The following FBN2 variants were observed in gnomAD, a reference collection of about 807,000 sequenced individuals.
FBN2 encodes the protein fibrillin-2.
FBN2 carries 105 observed loss-of-function variants against 355.6 expected under a neutral mutation model. That is an observed-to-expected ratio of 0.30 (90% CI 0.25 to 0.35). FBN2 has a LOEUF of 0.35. FBN2 is among the 10% of genes least tolerant of loss of function. The probability of loss-of-function intolerance (pLI) is 1.00; values close to 1 mark genes in which losing one functional copy is unlikely to be tolerated. For synonymous variants in FBN2, 1,350 were observed against 1,301.2 expected, an observed-to-expected ratio of 1.04 and a Z score of -0.81; for missense variants, 3,280 against 3,758.7, an observed-to-expected ratio of 0.87 and a Z score of 3.33.
chr5:128,368,465 T>TAC (rs1554064137), intron 16 of FBN2, among the ~76,000 whole-genome samples: 7,062 of 127,758 alleles, frequency 0.055, 310 homozygotes, highest in African/African-American at 0.092. Context: ...CACATATATA[T>TAC]ACATATATAT....
chr5:128,290,640 A>C lies in FBN2; in HGVS notation c.6445+92T>G. The C allele has an allele frequency of 2.3e-6, 3 of 1,322,412 alleles. No homozygotes were observed. The East Asian group carries it at 6.9e-5, about 30-fold the overall frequency. The allele number at this position is 1,322,412 out of a possible 1,614,324, so 81.9% of individuals were successfully genotyped here. ...TATGCAAGGAGATGATTTCACTCTC[A>C]AAATATTCTTAAATTACATGGTTAA... On this transcript the variant is annotated intron_variant, in intron 50 of 64. Coordinates refer to ENST00000262464, the MANE Select transcript of FBN2 (RefSeq NM_001999.4).
At chr5:128,503,460 A>G (rs914632297) in intron 5 of FBN2, among the ~76,000 whole-genome samples, 7 of 152,188 alleles carry the variant, frequency 4.6e-5, no homozygotes, top group African/African-American at 1.7e-4. Context: ...AAGATGTGGG[A>G]AAGTTTGGAA....
At chr5:128,266,224 A>C (rs1292782608) in intron 62 of FBN2, among the ~76,000 whole-genome samples, 1 of 152,232 alleles carries the variant, frequency 6.6e-6, no homozygotes, top group Admixed American at 6.5e-5. Flanking sequence ...GCCCAGAAGA[A>C]TCTAGAATCT....
chr5:128,478,845 C>A (rs1222769999), intron 5 of FBN2, among the ~76,000 whole-genome samples: 1 of 152,122 alleles, frequency 6.6e-6, no homozygotes, highest in Middle Eastern at 3.2e-3. Context: ...TACTCTTGTG[C>A]ATTCTTAACT....
chr5:128,275,915 G>A, intron 59 of FBN2, 123 bp downstream of exon 59: 1 of 1,068,058 alleles, frequency 9.4e-7, no homozygotes, highest in Non-Finnish European at 1.4e-6. Flanking sequence ...CAATAACATG[G>A]CCACTAGGAT....
At position 128,309,271 on chromosome 5, in the gene FBN2, C is replaced by A. The variant is rs1352264355; in HGVS notation, c.5329G>T (p.Glu1777Ter). The stretch of plus-strand genomic sequence containing the variant: ...CCTGTTCCTGGAGTTGGGCATGGTT[C>A]ACAAGGTTTGTTCCAGGCTTTGCCC... ...NVGKAWNKPC[E>*]PCPTPGTADF... The change falls in exon 41 of 65, where the codon GAA becomes TAA. Residue 1777 changes from glutamate (E) to a stop codon, truncating the protein, a stop_gained. Transcript: ENST00000262464. LOFTEE classifies it high-confidence loss of function. The A allele has an allele frequency of 6.2e-7, 1 of 1,614,100 alleles. No individual in the cohort carries two copies. The highest frequency in any genetic ancestry group is 1.7e-5 in the Admixed American group (1 of 60,010).
chr5:128,503,955 C>G (rs1755883840), intron 5 of FBN2, among the ~76,000 whole-genome samples: 1 of 152,140 alleles, frequency 6.6e-6, no homozygotes, highest in South Asian at 2.1e-4. Context: ...CCCCCACACT[C>G]AAACCCCGCT....
chr5:128,368,385 T>G (rs189432554), intron 16 of FBN2, among the ~76,000 whole-genome samples: 12 of 149,608 alleles, frequency 8.0e-5, no homozygotes, highest in East Asian at 7.9e-4. Flanking sequence ...GATATATATA[T>G]AGAGAGAGAT....
At chr5:128,264,770 G>T (rs1435406019) in intron 62 of FBN2, among the ~76,000 whole-genome samples, 3 of 152,172 alleles carry the variant, frequency 2.0e-5, no homozygotes, top group African/African-American at 7.2e-5. Flanking sequence ...ACAGGCCCAT[G>T]TGCAAGTGGG....
Position 128,389,934 on chromosome 5 carries a change from T to C in FBN2, c.1603+2084A>G, listed in dbSNP as rs181370355. On this transcript the variant is annotated intron_variant, in intron 11 of 64. Transcript: ENST00000262464. ...TCCTCTCAGAGTGTGCCAGTCTTCT[T>C]GATGGTCTGATCTTTCAGTAGGAAA... Among the ~76,000 whole-genome samples, 291 of 152,270 alleles carry C rather than the reference T, an allele frequency of 1.9e-3. 2 individuals are homozygous for C. Among genetic ancestry groups the C allele is most frequent in the African/African-American group, 6.4e-3 (265 of 41,542 alleles).
chr5:128,274,597 C>T lies in FBN2; in HGVS notation c.7681G>A (p.Gly2561Ser), dbSNP rs759866878. The change falls in exon 60 of 65, where the codon GGT becomes AGT. Residue 2561 changes from glycine (G) to serine (S), a missense_variant. Transcript: ENST00000262464. ...LGGFTCKCPP[G>S]FTQHHTACID... Reference sequence around the variant, plus strand: ...CAAGCAGTGTGATGCTGTGTGAAACCAGGTGGACATTTACAGGTAAACCCC... The same window carrying T: ...CAAGCAGTGTGATGCTGTGTGAAACTAGGTGGACATTTACAGGTAAACCCC... 23 of 1,611,678 alleles carry T rather than the reference C, an allele frequency of 1.4e-5. No homozygotes were observed. The highest frequency in any genetic ancestry group is 2.0e-5 in the Non-Finnish European group (23 of 1,177,854).
chr5:128,524,943 A>G (rs1756524872), intron 4 of FBN2, among the ~76,000 whole-genome samples: 1 of 152,164 alleles, frequency 6.6e-6, no homozygotes, highest in Non-Finnish European at 1.5e-5. Context: ...GGTAACATCA[A>G]TATGGTTTGA....
At chr5:128,379,577 C>T (rs1247266444) in intron 11 of FBN2, among the ~76,000 whole-genome samples, 1 of 151,804 alleles carries the variant, frequency 6.6e-6, no homozygotes, top group Non-Finnish European at 1.5e-5. Flanking sequence ...CTAGTCGTGA[C>T]CAAAAAGTGA....
At chr5:128,495,000 A>C (rs1755616926) in intron 5 of FBN2, among the ~76,000 whole-genome samples, 1 of 152,224 alleles carries the variant, frequency 6.6e-6, no homozygotes, top group East Asian at 1.9e-4. Context: ...CAAAGCAGTC[A>C]TTATGAGTAT....
At chr5:128,278,911 G>T in intron 56 of FBN2, 70 bp from the exon 57 acceptor site, 1 of 1,272,676 alleles carries the variant, frequency 7.9e-7, no homozygotes, top group South Asian at 1.2e-5. Context: ...TTCAAATTAA[G>T]CAGGGCAGTC....
chr5:128,410,943 A>C (rs936065966), intron 7 of FBN2, among the ~76,000 whole-genome samples: 4 of 152,204 alleles, frequency 2.6e-5, no homozygotes, highest in African/African-American at 9.7e-5. Flanking sequence ...TAAAAATTTA[A>C]AAATAAGGTG....
At chr5:128,417,222 GAATT>G (rs1753229093) in intron 7 of FBN2, among the ~76,000 whole-genome samples, 1 of 152,042 alleles carries the variant, frequency 6.6e-6, no homozygotes, top group African/African-American at 2.4e-5. Flanking sequence ...AAAATTTACT[GAATT>G]TATTTATCAG....
chr5:128,356,164 A>G (rs1440102925), intron 20 of FBN2, among the ~76,000 whole-genome samples: 1 of 151,818 alleles, frequency 6.6e-6, no homozygotes, highest in Non-Finnish European at 1.5e-5. Flanking sequence ...GGAATTCTAT[A>G]AGAAAAAAAG....
intron 14 of FBN2, 41 bp downstream of exon 14, chr5:128,376,690 T>C: frequency 6.2e-7 from 1 of 1,611,510 alleles, no homozygotes; most frequent in Non-Finnish European, 8.5e-7. Context: ...AAAAAGGTGG[T>C]TTCAATCATG....
Sources: allele counts gnomAD v4.1 joint callset (sites outside exome capture counted in the v4.1 genomes callset), GRCh38; gene constraint gnomAD v4.1.1; transcripts MANE v1.5; gene names NCBI Gene and HGNC (gene_info 2026-07-23, HGNC 2026-07-21).